Variants in BAG6 observed in about 807,000 individuals in gnomAD.
BAG6 encodes BAG cochaperone 6, also known as large proline-rich protein BAG6.
In BAG6, 22 loss-of-function variants were observed where a neutral mutation model predicts 121.0. The ratio of observed to expected loss-of-function variants is 0.18; its 90% CI spans 0.13 to 0.26. The LOEUF (loss-of-function observed/expected upper bound fraction) is 0.26. BAG6 is among the 10% of genes least tolerant of loss of function. The pLI is 1.00. For missense variants in BAG6, 1,233 were observed against 1,537.7 expected (o/e 0.80, Z 3.31); for synonymous variants, 583 against 584.6 (o/e 1.00, Z 0.04).
intron 25 of BAG6, 60 bp downstream of exon 25, chr6:31,639,440 A>AGAG: frequency 6.4e-7 from 1 of 1,569,926 alleles, no homozygotes; most frequent in Non-Finnish European, 8.7e-7. Context: ...GATCCAGGGA[A>AGAG]GAGGGACCCT....
intron 15 of BAG6, chr6:31,642,628 A>C: frequency 1.4e-6 from 1 of 705,732 alleles, no homozygotes. Flanking sequence ...CAGTGACACT[A>C]ATTACTATAC....
chr6:31,645,161 C>T lies in BAG6; in HGVS notation c.1154G>A (p.Gly385Glu), dbSNP rs1014856643. Residue 385 changes from glycine to glutamate, a missense_variant, in exon 10 of 26, where the codon GGG (glycine) becomes GAG (glutamate). This residue lies in a region of BAG6 where 777 missense variants were observed against 861.4 expected (regional missense o/e 0.90). Coordinates refer to ENST00000676615, the MANE Select transcript of BAG6 (RefSeq NM_001387994.1). ...ATTGGGAGTTGGGGGGGGCCGAGTC[C>T]CATTTCCTGTCATGGTCACAGTGGT... ...VGTTVTMTGN[G>E]TRPPPTPNAE... 6.2e-7 allele frequency: 1 copy of T among 1,612,464 alleles called. No homozygotes were observed. Among genetic ancestry groups the T allele is most frequent in the Non-Finnish European group, 8.5e-7 (1 of 1,179,812 alleles).
chr6:31,652,237 G>A lies in BAG6; in HGVS notation c.-14+187C>T, dbSNP rs148479426. 1.5e-3 allele frequency: 252 copies of A among 163,404 alleles called. 1 individual carries two copies. The highest frequency in any genetic ancestry group is 4.8e-3 in the African/African-American group (202 of 41,904). 10.1% of individuals were successfully genotyped at this position (163,404 alleles called of 1,614,324 possible). On this transcript the variant is annotated intron_variant, in intron 1 of 25. Coordinates refer to ENST00000676615, the MANE Select transcript of BAG6 (RefSeq NM_001387994.1). ...TATAGACCCGAAACGGCACTCACGG[G>A]GCGACAGACCTGCTAGCTGACTGCC...
chr6:31,649,738 C>T (rs1046312345), intron 2 of BAG6, 111 bp from the exon 3 acceptor site: 12 of 865,230 alleles, frequency 1.4e-5, no homozygotes, highest in Non-Finnish European at 2.3e-5. Context: ...AGAATCACTA[C>T]CCGTTTGTCT....
rs1437296492 is a variant in BAG6 at position 31,646,457 on chromosome 6, C to T, written c.855G>A (p.Gln285=). 13 of 1,612,958 alleles carry T rather than the reference C, an allele frequency of 8.1e-6. No individual in the cohort carries two copies. Among genetic ancestry groups the T allele is most frequent in the Non-Finnish European group, 1.0e-5 (12 of 1,180,028 alleles). Residue 285 remains glutamine (Q), a synonymous_variant, in exon 8 of 26, where the codon CAG becomes CAA. Coordinates refer to ENST00000676615, the MANE Select transcript of BAG6 (RefSeq NM_001387994.1). Reference sequence around the variant, plus strand: ...CCTCGTAGTAGCGCTGCAAGAAGGGCTGGAGGCGACTCTCCAGCCGCTGTA... The same window carrying T: ...CCTCGTAGTAGCGCTGCAAGAAGGGTTGGAGGCGACTCTCCAGCCGCTGTA... ...QELQRLESRL[Q]PFLQRYYEVL...
At position 31,642,370 on chromosome 6, in the gene BAG6, G is replaced by T; in HGVS notation, c.2077C>A (p.Pro693Thr). The T allele has an allele frequency of 1.2e-6, 1 of 868,748 alleles. No homozygotes were observed. The highest frequency in any genetic ancestry group is 1.8e-6 in the Non-Finnish European group (1 of 568,390). 53.8% of individuals were successfully genotyped at this position (868,748 alleles called of 1,614,324 possible). Residue 693 changes from proline (P) to threonine (T), a missense_variant, in exon 16 of 26, where the codon CCT becomes ACT. By Grantham distance (38) the Pro-to-Thr change is conservative. This residue lies in a region of BAG6 where 777 missense variants were observed against 861.4 expected (regional missense o/e 0.90). Transcript: ENST00000676615. Reference sequence around the variant, plus strand: ...TCTGGGGCAGGTGGTGGGGGTGGAGGAGGTGGGGGTGGTGGAGGGGCTGTC... The same window carrying T: ...TCTGGGGCAGGTGGTGGGGGTGGAGTAGGTGGGGGTGGTGGAGGGGCTGTC... ...TQTAPPPPPP[P>T]PPPPPAPEQQ... is the part of the protein sequence containing the mutation.
In BAG6 at chr6:31,649,672, G is replaced by C. The variant is rs187872071; in HGVS notation, c.109-45C>G. On this transcript the variant is annotated intron_variant, in intron 2 of 25. Transcript: ENST00000676615. ...ACAGGAATGGAAAGAATGGAGGAAA[G>C]AGGAAGAACAAAGACAGACAACCGA... The C allele has an allele frequency of 1.4e-4, 214 of 1,552,022 alleles. 1 individual carries two copies. The East Asian group carries it at 4.6e-3, about 33-fold the overall frequency.
chr6:31,652,357 A>ACACACACACACACACCCC (rs878991736), intron 1 of BAG6, 67 bp downstream of exon 1: 1 of 143,070 alleles, frequency 7.0e-6, no homozygotes, highest in African/African-American at 2.8e-5. Flanking sequence ...ACACACACAC[A>ACACACACACACACACCCC]CACCCACCAC....
At position 31,640,367 on chromosome 6, in the gene BAG6, T is replaced by C; in HGVS notation, c.3138+18A>G. On this transcript the variant is annotated intron_variant, in intron 23 of 25. Transcript: ENST00000676615. The surrounding 1 kb of genome is among the most constrained non-coding windows in gnomAD (Gnocchi z 4.2). Reference sequence around the variant, plus strand: ...CTTTCAGCTGCCATGACCCACTGGATTACTTCCTGACACTTACTGGGGGGA... The same window carrying C: ...CTTTCAGCTGCCATGACCCACTGGACTACTTCCTGACACTTACTGGGGGGA... 2 of 1,614,162 alleles carry C rather than the reference T, an allele frequency of 1.2e-6. No homozygotes were observed. The highest frequency in any genetic ancestry group is 1.7e-6 in the Non-Finnish European group (2 of 1,180,024).
At chr6:31,652,355 A>ACACACACACCCACACC (rs1277723335) in intron 1 of BAG6, 69 bp downstream of exon 1, 2 of 147,398 alleles carry the variant, frequency 1.4e-5, no homozygotes, top group African/African-American at 5.3e-5. Context: ...ACACACACAC[A>ACACACACACCCACACC]CACACCCACC....
Position 31,644,684 on chromosome 6 carries a change from C to T in BAG6, c.1370-82G>A, listed in dbSNP as rs1786994777. On this transcript the variant is annotated intron_variant, in intron 10 of 25. Transcript: ENST00000676615. The surrounding 1 kb of genome is among the most constrained non-coding windows in gnomAD (Gnocchi z 4.9). ...TATCCTTCTGAGATCAGGCATACTTCAGGCCCATAATCCCCCAATCAGAAA... is the reference window on the plus strand; with the variant it reads ...TATCCTTCTGAGATCAGGCATACTTTAGGCCCATAATCCCCCAATCAGAAA... The T allele has an allele frequency of 8.3e-6, 12 of 1,439,716 alleles. No individual in the cohort carries two copies. Among genetic ancestry groups the T allele is most frequent in the Non-Finnish European group, 1.2e-5 (12 of 1,032,608 alleles). 89.2% of individuals were successfully genotyped at this position (1,439,716 alleles called of 1,614,324 possible).
Position 31,643,103 on chromosome 6 carries a change from G to A in BAG6, c.1769C>T (p.Pro590Leu), listed in dbSNP as rs1037976233. The A allele has an allele frequency of 1.3e-6, 2 of 1,573,894 alleles. No individual in the cohort carries two copies. Among genetic ancestry groups the A allele is most frequent in the Non-Finnish European group, 1.7e-6 (2 of 1,165,624 alleles). Reference protein sequence around the residue: ...MQPVLVAQGTPGMAPPPAPAT... With the variant: ...MQPVLVAQGTLGMAPPPAPAT... ...AGGGGCTGGCGGTGGAGCCATACCT[G>A]GGGTCCCCTGAGCTGTAAGAAACCA... The change falls in exon 15 of 26, where the codon CCA becomes CTA. Residue 590 changes from proline (P) to leucine (L), a missense_variant. Physicochemically the swap from Pro to Leu is moderately conservative, Grantham distance 98. This residue lies in a region of BAG6 where 777 missense variants were observed against 861.4 expected (regional missense o/e 0.90). Coordinates refer to ENST00000676615, the MANE Select transcript of BAG6 (RefSeq NM_001387994.1).
chr6:31,649,966 T>C (rs1182935922), intron 2 of BAG6, among the ~76,000 whole-genome samples: 1 of 151,498 alleles, frequency 6.6e-6, no homozygotes. Context: ...AAGCCAGGCA[T>C]GGTGGTCGCC....
At chr6:31,650,924 T>G (rs1205121702) in intron 2 of BAG6, among the ~76,000 whole-genome samples, 1 of 152,182 alleles carries the variant, frequency 6.6e-6, no homozygotes, top group Non-Finnish European at 1.5e-5. Flanking sequence ...AATTAGTAAT[T>G]TCACTCAACA....
chr6:31,639,297 C>T (rs764744670), intron 25 of BAG6, 71 bp from the exon 26 acceptor site: 2 of 1,495,272 alleles, frequency 1.3e-6, no homozygotes, highest in African/African-American at 1.4e-5. Context: ...GCACACAAGG[C>T]CATCCCTCAG....
chr6:31,651,494 G>C lies in BAG6; in HGVS notation c.108+162C>G, dbSNP rs143549842. Among the ~76,000 whole-genome samples the C allele has an allele frequency of 4.7e-3, 710 of 152,224 alleles. 9 individuals carry two copies. Among genetic ancestry groups the C allele is most frequent in the Middle Eastern group, 0.02 (6 of 294 alleles). On this transcript the variant is annotated intron_variant, in intron 2 of 25. Transcript: ENST00000676615. ...GTGGAAGTTTCAGTGAGTCGAGATC[G>C]CGCCACTGCACTCCAGCCTGGAAGA...
chr6:31,639,194 T>C lies in BAG6; in HGVS notation c.3426A>G (p.Glu1142=), dbSNP rs1561865088. 6.2e-7 allele frequency: 1 copy of C among 1,613,902 alleles called. No individual in the cohort carries two copies. The highest frequency in any genetic ancestry group is 8.5e-7 in the Non-Finnish European group (1 of 1,179,966). The change falls in exon 26 of 26, where the codon GAA becomes GAG. Residue 1142 remains glutamate (E), a synonymous_variant. Coordinates refer to ENST00000676615, the MANE Select transcript of BAG6 (RefSeq NM_001387994.1). The part of the protein sequence containing the change: ...LRSDIQKRLQ[E]DPNYSPQRFP... ...AGCGCTGGGGACTGTAGTTGGGGTC[T>C]TCCTGCAGTCGTTTTTGTATATCAG...
chr6:31,642,931 A>G lies in BAG6; in HGVS notation c.1941T>C (p.Pro647=). Residue 647 remains proline (P), a synonymous_variant, in exon 15 of 26, where the codon CCT becomes CCC. Coordinates refer to ENST00000676615, the MANE Select transcript of BAG6 (RefSeq NM_001387994.1). ...CAGACCCTCCAGCCCCTGGCCCTGC[A>G]GGCCCTAGCAGGTTCCCCAGAAGCT... ...FSQLLGNLLG[P]AGPGAGGSGV... is the part of the protein sequence containing the mutation. 1 of 1,608,410 alleles carries G rather than the reference A, an allele frequency of 6.2e-7. No homozygotes were observed.
chr6:31,652,349 A>ACC (rs1561980831), intron 1 of BAG6, 75 bp downstream of exon 1: 2 of 152,206 alleles, frequency 1.3e-5, no homozygotes, highest in African/African-American at 5.0e-5. Context: ...ACACACACAC[A>ACC]CACACACACA....
Sources: allele counts gnomAD v4.1 joint callset (sites outside exome capture counted in the v4.1 genomes callset), GRCh38; gene constraint gnomAD v4.1.1; regional missense constraint gnomAD v4.1.1; non-coding constraint Gnocchi (gnomAD v3.1); transcripts MANE v1.5; gene names NCBI Gene and HGNC (gene_info 2026-07-23, HGNC 2026-07-21).